The following GDI2 variants were observed in gnomAD, a reference collection of about 807,000 sequenced individuals.
GDI2 encodes rab GDP dissociation inhibitor beta.
Under a neutral mutation model 54.2 loss-of-function variants are expected in GDI2, and 22 were observed. The ratio of observed to expected loss-of-function variants is 0.41; its 90% CI spans 0.29 to 0.58. The LOEUF (loss-of-function observed/expected upper bound fraction) is 0.58, where lower values mean the gene tolerates loss of function less well. Among genes scored for constraint, GDI2 ranks in the 20% least tolerant of loss-of-function variants. The pLI is 0.35. For missense variants in GDI2, 422 were observed against 546.0 expected (o/e 0.77, Z 2.26); for synonymous variants, 177 against 182.1 (o/e 0.97, Z 0.23).
At position 5,768,781 on chromosome 10, in the gene GDI2, G is replaced by C; in HGVS notation, c.820-397C>G. 1 of 159,808 alleles carries C rather than the reference G, an allele frequency of 6.3e-6. No homozygotes were observed. Among genetic ancestry groups the C allele is most frequent in the Non-Finnish European group, 1.4e-5 (1 of 72,858 alleles). 9.9% of individuals were successfully genotyped at this position (159,808 alleles called of 1,614,324 possible). ...CTGGGAAAACTATCCACATGCAAAA[G>C]AATGAAGTTGGACCCTACCTGACAC... On this transcript the variant is annotated intron_variant, in intron 7 of 10. Coordinates refer to ENST00000380191, the MANE Select transcript of GDI2 (RefSeq NM_001494.4). This position sits in a 1 kb window ranked among gnomAD's most constrained non-coding sequence, Gnocchi z 4.4.
In GDI2 at chr10:5,766,468, G is replaced by A. The variant is rs1434031743; in HGVS notation, c.1136+26C>T. ...AATCAAAGGCCTCAGTTTGCATCTC[G>A]GCAGATATAAAAGAACACAACTCAC... On this transcript the variant is annotated intron_variant, in intron 9 of 10. Transcript: ENST00000380191. This position sits in a 1 kb window ranked among gnomAD's most constrained non-coding sequence, Gnocchi z 5.8. 1.9e-6 allele frequency: 3 copies of A among 1,611,722 alleles called. No individual in the cohort carries two copies. The highest frequency in any genetic ancestry group is 2.2e-5 in the East Asian group (1 of 44,874).
At chr10:5,809,505 T>C (rs1364657028) in intron 1 of GDI2, among the ~76,000 whole-genome samples, 1 of 152,178 alleles carries the variant, frequency 6.6e-6, no homozygotes, top group Non-Finnish European at 1.5e-5. Flanking sequence ...CTTGCCAATA[T>C]TTTTTTAAAG....
chr10:5,768,167 A>T lies in GDI2; in HGVS notation c.991+46T>A, dbSNP rs760159981. On this transcript the variant is annotated intron_variant, in intron 8 of 10. Transcript: ENST00000380191. The surrounding 1 kb of genome is among the most constrained non-coding windows in gnomAD (Gnocchi z 4.4). ...TTTGGGATAAAACACAAAGCAAATTATATCTTACAAAATTCTACCAACATC... is the reference window on the plus strand; with the variant it reads ...TTTGGGATAAAACACAAAGCAAATTTTATCTTACAAAATTCTACCAACATC... 6 of 1,514,380 alleles carry T rather than the reference A, an allele frequency of 4.0e-6. No homozygotes were observed. The highest frequency in any genetic ancestry group is 1.8e-6 in the Non-Finnish European group (2 of 1,093,436). The allele number at this position is 1,514,380 out of a possible 1,614,324, so 93.8% of individuals were successfully genotyped here. A position where few individuals can be genotyped will look rare whatever the true frequency, so the allele number is the denominator to read the frequency against.
Position 5,776,382 on chromosome 10 carries a change from C to A in GDI2, c.720-2441G>T. Reference sequence around the variant, plus strand: ...GAGCCCCCTTTCTCAGAAGCACAGCCCTTTCACAGAGAAATGCCTGCCTGA... The same window carrying A: ...GAGCCCCCTTTCTCAGAAGCACAGCACTTTCACAGAGAAATGCCTGCCTGA... On this transcript the variant is annotated intron_variant, in intron 6 of 10. Transcript: ENST00000380191. This position sits in a 1 kb window ranked among gnomAD's most constrained non-coding sequence, Gnocchi z 5.3. 1.4e-6 allele frequency: 1 copy of A among 727,836 alleles called. No individual in the cohort carries two copies. The highest frequency in any genetic ancestry group is 2.0e-5 in the Admixed American group (1 of 50,870). The allele number at this position is 727,836 out of a possible 1,614,324, so 45.1% of individuals were successfully genotyped here.
intron 4 of GDI2, among the ~76,000 whole-genome samples, chr10:5,786,392 C>T (rs1840881087): frequency 6.6e-6 from 1 of 151,968 alleles, no homozygotes; most frequent in South Asian, 2.1e-4. Context: ...GTCTCAAACT[C>T]CTGACCTCAG....
intron 1 of GDI2, among the ~76,000 whole-genome samples, chr10:5,802,103 C>G (rs1030294618): frequency 4.6e-5 from 7 of 152,302 alleles, no homozygotes; most frequent in Admixed American, 6.5e-5. Flanking sequence ...ACAGACAGCA[C>G]TTCAGCTCAG....
chr10:5,795,180 G>A (rs1841118268), intron 3 of GDI2, among the ~76,000 whole-genome samples, 161 bp from the exon 4 acceptor site: 1 of 152,160 alleles, frequency 6.6e-6, no homozygotes, highest in African/African-American at 2.4e-5. Flanking sequence ...CCAGGCTACA[G>A]TGCAGTGGCA....
At chr10:5,777,482 C>G (rs1158611485) in intron 6 of GDI2, among the ~76,000 whole-genome samples, 1 of 152,110 alleles carries the variant, frequency 6.6e-6, no homozygotes, top group Non-Finnish European at 1.5e-5. Flanking sequence ...TCAACACAGT[C>G]ATTTCTCAAA....
intron 4 of GDI2, among the ~76,000 whole-genome samples, chr10:5,787,569 TA>T (rs1332842692): frequency 6.6e-6 from 1 of 152,162 alleles, no homozygotes; most frequent in Non-Finnish European, 1.5e-5. Context: ...TTTTTAAAAT[TA>T]AGATTTACAA....
At chr10:5,792,438 T>C (rs900004504) in intron 4 of GDI2, among the ~76,000 whole-genome samples, 3 of 152,182 alleles carry the variant, frequency 2.0e-5, no homozygotes, top group Admixed American at 1.3e-4. Context: ...CTGGTACTTA[T>C]CCACCCATCT....
In GDI2 at chr10:5,768,347, T is replaced by C; in HGVS notation, c.857A>G (p.Tyr286Cys). ...CACTTTTTCTACCCGATCTTTTACG[T>C]AGCTGGGGTCACAGATGAGCTGCTT... ...RCKQLICDPS[Y>C]VKDRVEKVGQ... Residue 286 changes from tyrosine (Y) to cysteine (C), a missense_variant, in exon 8 of 11, where the codon TAC becomes TGC. Physicochemically the swap from Tyr to Cys is radical, Grantham distance 194. Transcript: ENST00000380191. The surrounding 1 kb of genome is among the most constrained non-coding windows in gnomAD (Gnocchi z 4.4). 6.2e-7 allele frequency: 1 copy of C among 1,613,466 alleles called. No individual in the cohort carries two copies. Among genetic ancestry groups the C allele is most frequent in the Non-Finnish European group, 8.5e-7 (1 of 1,179,354 alleles).
chr10:5,773,123 C>T (rs1165013549), intron 7 of GDI2, among the ~76,000 whole-genome samples: 2 of 152,200 alleles, frequency 1.3e-5, no homozygotes, highest in East Asian at 3.9e-4. Flanking sequence ...TGATCTCAAA[C>T]TTTCCAGTGA....
At chr10:5,803,015 C>G (rs1460110593) in intron 1 of GDI2, among the ~76,000 whole-genome samples, 1 of 152,220 alleles carries the variant, frequency 6.6e-6, no homozygotes, top group Non-Finnish European at 1.5e-5. Context: ...TTTCCAATTA[C>G]ATGTCTGTGT....
intron 1 of GDI2, among the ~76,000 whole-genome samples, chr10:5,812,930 C>T (rs1298359797): frequency 6.6e-6 from 1 of 152,244 alleles, no homozygotes; most frequent in Non-Finnish European, 1.5e-5. Flanking sequence ...TCCGCTTCCG[C>T]TGGGGGCAAG....
At chr10:5,806,663 A>G (rs932269550) in intron 1 of GDI2, among the ~76,000 whole-genome samples, 10 of 152,190 alleles carry the variant, frequency 6.6e-5, no homozygotes, top group African/African-American at 2.4e-5. Context: ...TAACAACTAC[A>G]AAAATCAACC....
chr10:5,783,230 A>G (rs1840801287), intron 6 of GDI2, among the ~76,000 whole-genome samples: 1 of 152,118 alleles, frequency 6.6e-6, no homozygotes, highest in Non-Finnish European at 1.5e-5. Flanking sequence ...TTTTTTTAAA[A>G]TATATATAGT....
intron 4 of GDI2, among the ~76,000 whole-genome samples, chr10:5,792,321 A>G (rs1228506646): frequency 2.6e-5 from 4 of 152,212 alleles, no homozygotes; most frequent in Admixed American, 6.5e-5. Flanking sequence ...ACACGATTGC[A>G]GTGAAGAACT....
At chr10:5,812,736 G>A (rs1841503036) in intron 1 of GDI2, among the ~76,000 whole-genome samples, 1 of 152,234 alleles carries the variant, frequency 6.6e-6, no homozygotes, top group African/African-American at 2.4e-5. Context: ...AGACTTGTCA[G>A]GAAACCCCGT....
chr10:5,788,452 G>T (rs1291882681), intron 4 of GDI2, among the ~76,000 whole-genome samples: 2 of 152,044 alleles, frequency 1.3e-5, no homozygotes. Context: ...ATTTACAGTT[G>T]TCCCTTGAAT....
Sources: gnomAD v4.1 joint callset for allele counts (sites outside exome capture counted in the v4.1 genomes callset) on GRCh38, gnomAD v4.1.1 for gene constraint, Gnocchi (gnomAD v3.1) non-coding constraint, MANE v1.5 for transcripts, NCBI Gene and HGNC (gene_info 2026-07-23, HGNC 2026-07-21) for gene names.